The following PEAK1 variants were observed in gnomAD, a reference collection of about 807,000 sequenced individuals.
The protein encoded by PEAK1 is pseudopodium enriched atypical kinase 1.
PEAK1 carries 54 observed loss-of-function variants against 124.7 expected under a neutral mutation model. The observed-to-expected ratio is 0.43, with a 90% CI of 0.35 to 0.54. The LOEUF is 0.54. PEAK1 is among the 20% of genes least tolerant of loss of function. The pLI is 0.01. For missense variants in PEAK1, 2,046 were observed against 2,134.5 expected (o/e 0.96, Z 0.82); for synonymous variants, 719 against 760.0 (o/e 0.95, Z 0.89).
rs766183997 is a variant in PEAK1, at chr15:77,181,492, G to A, written c.435C>T (p.Asn145=). The change falls in exon 7 of 10, where the codon AAC becomes AAT. Residue 145 remains asparagine, a synonymous_variant. Transcript: ENST00000682557. Reference sequence around the variant, plus strand: ...TTAACACTTCAGTTAGTCCATTATTGTTATCTGACATCTTCTTTGCACTAT... The same window carrying A: ...TTAACACTTCAGTTAGTCCATTATTATTATCTGACATCTTCTTTGCACTAT... ...NNDSAKKMSD[N]NNGLTEVLKE... The A allele has an allele frequency of 8.1e-6, 13 of 1,614,036 alleles. No homozygotes were observed. Among genetic ancestry groups the A allele is most frequent in the Non-Finnish European group, 1.0e-5 (12 of 1,179,994 alleles).
intron 2 of PEAK1, among the ~76,000 whole-genome samples, chr15:77,302,051 G>GT (rs139881532): frequency 0.033 from 4,969 of 151,996 alleles, 274 homozygotes; most frequent in African/African-American, 0.11. Context: ...GTCTTGTTTT[G>GT]TTTTTTTGAG....
In PEAK1 at chr15:77,114,329, G is replaced by C; in HGVS notation, c.5068C>G (p.Leu1690Val). The C allele has an allele frequency of 6.2e-7, 1 of 1,614,218 alleles. No homozygotes were observed. The change falls in exon 10 of 10, where the codon CTG (leucine) becomes GTG (valine). Residue 1690 changes from leucine (L) to valine (V), a missense_variant. Physicochemically the swap from Leu to Val is conservative, Grantham distance 32. Transcript: ENST00000682557. ...TTGATGTCTAGCCAGTTTTGGAGCA[G>C]GGTGTTCCTCTGTACTAGGCTAGGG... The part of the protein sequence containing the change: ...ACPSLVQRNT[L>V]LQNWLDIKRT...
At chr15:77,268,242 A>C (rs951905353) in intron 5 of PEAK1, among the ~76,000 whole-genome samples, 14 of 152,222 alleles carry the variant, frequency 9.2e-5, no homozygotes, top group African/African-American at 3.4e-4. Flanking sequence ...TGGGAGGCCG[A>C]GGTGGGCAGA....
intron 5 of PEAK1, among the ~76,000 whole-genome samples, chr15:77,271,472 C>T (rs905785629): frequency 4.6e-5 from 7 of 152,136 alleles, no homozygotes; most frequent in Admixed American, 3.3e-4. Flanking sequence ...TATAAAGACA[C>T]ATGCATATGT....
chr15:77,329,204 A>G (rs1344708363), intron 2 of PEAK1, among the ~76,000 whole-genome samples: 2 of 152,184 alleles, frequency 1.3e-5, no homozygotes, highest in South Asian at 2.1e-4. Context: ...ACCAAAATGC[A>G]GAGCAAAACA....
intron 8 of PEAK1, among the ~76,000 whole-genome samples, chr15:77,137,174 G>A (rs533258958): frequency 1.4e-4 from 22 of 152,368 alleles, no homozygotes; most frequent in African/African-American, 5.3e-4. Flanking sequence ...GGATGCTGAG[G>A]CAGAAGTTGG....
In PEAK1 at chr15:77,284,692, G is replaced by A. The variant is rs16968744; in HGVS notation, c.-423+266C>T. ...AGTTGAATTAAGAATGCTTACAAATGACACTAATAGCAAAAGGAGCTCAGA... is the reference window on the plus strand; with the variant it reads ...AGTTGAATTAAGAATGCTTACAAATAACACTAATAGCAAAAGGAGCTCAGA... On this transcript the variant is annotated intron_variant, in intron 4 of 9. Transcript: ENST00000682557. Among the ~76,000 whole-genome samples, 385 of 152,232 alleles carry A rather than the reference G, an allele frequency of 2.5e-3. 6 individuals are homozygous for A. The East Asian group carries it at 0.041, about 16-fold the overall frequency.
intron 2 of PEAK1, chr15:77,331,095 G>A (rs563134463): frequency 1.5e-6 from 1 of 672,420 alleles, no homozygotes; most frequent in African/African-American, 2.0e-5. Flanking sequence ...GTAGTACATT[G>A]AATCAATTTT....
intron 9 of PEAK1, among the ~76,000 whole-genome samples, chr15:77,127,989 G>T (rs1440294536): frequency 6.6e-6 from 1 of 151,538 alleles, no homozygotes; most frequent in East Asian, 1.9e-4. Flanking sequence ...TAAGGCAGGA[G>T]AATGACTTGA....
intron 1 of PEAK1, among the ~76,000 whole-genome samples, chr15:77,416,646 C>A (rs576385134): frequency 7.6e-4 from 115 of 152,302 alleles, no homozygotes; most frequent in African/African-American, 2.7e-3. Context: ...ATTACTTCAT[C>A]CACCCCTGTT....
At chr15:77,165,619 A>G (rs2056037054) in intron 7 of PEAK1, among the ~76,000 whole-genome samples, 1 of 152,114 alleles carries the variant, frequency 6.6e-6, no homozygotes, top group South Asian at 2.1e-4. Context: ...GAGTCAGAGT[A>G]GGGAGATGCT....
intron 6 of PEAK1, among the ~76,000 whole-genome samples, chr15:77,229,699 G>C (rs534323020): frequency 6.7e-6 from 1 of 149,322 alleles, no homozygotes; most frequent in African/African-American, 2.5e-5. Flanking sequence ...CCAGGCCAGA[G>C]TGCAATGGCA....
At chr15:77,174,140 T>C (rs1445614876) in intron 7 of PEAK1, among the ~76,000 whole-genome samples, 1 of 152,190 alleles carries the variant, frequency 6.6e-6, no homozygotes, top group East Asian at 1.9e-4. Context: ...GGCAAATACA[T>C]GGCACAGTTA....
chr15:77,351,839 T>C (rs1344605160), intron 2 of PEAK1: 1 of 985,432 alleles, frequency 1.0e-6, no homozygotes, highest in East Asian at 1.1e-4. Context: ...GTTTGAGTTT[T>C]AGACAATTAT....
intron 9 of PEAK1, among the ~76,000 whole-genome samples, chr15:77,132,550 CG>C (rs1383514006): frequency 6.6e-6 from 1 of 151,966 alleles, no homozygotes; most frequent in African/African-American, 2.4e-5. Flanking sequence ...TAAAAATTAG[CG>C]GGGCGTGGTG....
chr15:77,205,118 T>C, intron 6 of PEAK1: 1 of 274,410 alleles, frequency 3.6e-6, no homozygotes, highest in Non-Finnish European at 6.9e-6. Flanking sequence ...TAACATGTCT[T>C]ATCAGTGGTC....
rs1350087986 is a variant in PEAK1, at chr15:77,112,702, CACAA to C, written c.*1450_*1453del. 9 of 138,328 alleles carry C rather than the reference CACAA, an allele frequency of 6.5e-5. No individual in the cohort carries two copies. Among genetic ancestry groups the C allele is most frequent in the Non-Finnish European group, 1.3e-4 (8 of 62,748 alleles). The allele number at this position is 138,328 out of a possible 1,614,324, so 8.6% of individuals were successfully genotyped here. On this transcript the variant is annotated 3_prime_UTR_variant, in exon 10 of 10. Coordinates refer to ENST00000682557, the MANE Select transcript of PEAK1 (RefSeq NM_001385026.1). ...ACACACACACACACACACACACACA[CACAA>C]CCCCAGTGGAAGGAACGCTCATCTC...
chr15:77,247,840 C>A (rs1191621844), intron 6 of PEAK1, among the ~76,000 whole-genome samples: 2 of 152,050 alleles, frequency 1.3e-5, no homozygotes, highest in African/African-American at 4.8e-5. Flanking sequence ...TTTCATAATG[C>A]ATTATCCTTT....
Position 77,212,638 on chromosome 15 carries a change from T to C in PEAK1, c.-114-30598A>G, listed in dbSNP as rs77283000. On this transcript the variant is annotated intron_variant, in intron 6 of 9. Coordinates refer to ENST00000682557, the MANE Select transcript of PEAK1 (RefSeq NM_001385026.1). Reference sequence around the variant, plus strand: ...AATTTTCTTTCTAAAGTTTGCTTGTTCCTATTCAACATAGGCCAAAGGACA... The same window carrying C: ...AATTTTCTTTCTAAAGTTTGCTTGTCCCTATTCAACATAGGCCAAAGGACA... 7.3e-3 allele frequency among the ~76,000 whole-genome samples: 1,114 copies of C among 152,322 alleles called. 15 individuals carry two copies. The highest frequency in any genetic ancestry group is 0.025 in the African/African-American group (1,058 of 41,562).
Sources: allele counts gnomAD v4.1 joint callset (sites outside exome capture counted in the v4.1 genomes callset), GRCh38; gene constraint gnomAD v4.1.1; transcripts MANE v1.5; gene names NCBI Gene and HGNC (gene_info 2026-07-23, HGNC 2026-07-21).